DYNC1H1: variants seen among roughly 807,000 people sequenced by gnomAD.
DYNC1H1 encodes cytoplasmic dynein 1 heavy chain 1.
Under a neutral mutation model 527.1 loss-of-function variants are expected in DYNC1H1, and 51 were observed. The observed-to-expected ratio is 0.10, with a 90% confidence interval of 0.08 to 0.12. DYNC1H1 has a LOEUF of 0.12. Ranked by LOEUF, DYNC1H1 falls within the 10% of genes least tolerant of loss-of-function variation. The probability of loss-of-function intolerance (pLI) is 1.00; values close to 1 mark genes in which losing one functional copy is unlikely to be tolerated. For missense variants in DYNC1H1, 2,771 were observed against 5,971.8 expected, an observed-to-expected ratio of 0.46 and a Z score of 17.66; for synonymous variants, 2,189 against 2,278.8, an observed-to-expected ratio of 0.96 and a Z score of 1.12.
chr14:102,013,314 GACAA>G (rs1376897632), intron 34 of DYNC1H1, among the ~76,000 whole-genome samples: 5 of 151,364 alleles, frequency 3.3e-5, no homozygotes, highest in Non-Finnish European at 7.4e-5. Flanking sequence ...GATGCAATTG[GACAA>G]ACAAAATGAA....
rs201665825 is a variant in DYNC1H1, at chr14:102,050,120, C to A, written c.13734C>A (p.Ser4578=). Residue 4578 remains serine (S), a synonymous_variant, in exon 77 of 78, where the codon TCC becomes TCA. Coordinates refer to ENST00000360184, the MANE Select transcript of DYNC1H1 (RefSeq NM_001376.5). The part of the protein sequence containing the change: ...ATCNNNKLSL[S]NAISTALPLT... ...GCAACAACAACAAGCTGTCACTGTC[C>A]AATGCCATCTCAACCGCCCTTCCCC... 2 of 1,589,084 alleles carry A rather than the reference C, an allele frequency of 1.3e-6. No homozygotes were observed. The highest frequency in any genetic ancestry group is 1.7e-6 in the Non-Finnish European group (2 of 1,173,558).
intron 2 of DYNC1H1, among the ~76,000 whole-genome samples, chr14:101,977,925 C>T (rs778834640): frequency 3.3e-5 from 5 of 149,316 alleles, no homozygotes; most frequent in East Asian, 3.8e-4. Flanking sequence ...CTCACTCTGC[C>T]GTCCAAGCTG....
At position 102,016,618 on chromosome 14, in the gene DYNC1H1, T is replaced by C. The variant is rs1034139439; in HGVS notation, c.7614+129T>C. On this transcript the variant is annotated intron_variant, in intron 37 of 77. Coordinates refer to ENST00000360184, the MANE Select transcript of DYNC1H1 (RefSeq NM_001376.5). The surrounding 1 kb of genome is among the most constrained non-coding windows in gnomAD (Gnocchi z 7.3). ...TCCATTTCATAGAAGGACTTTATCC[T>C]TTTAGTTCCATGTGTTAGCAAAGAG... is the stretch of plus-strand genomic sequence containing the variant. 2 of 1,570,700 alleles carry C rather than the reference T, an allele frequency of 1.3e-6. No individual in the cohort carries two copies. The highest frequency in any genetic ancestry group is 3.5e-5 in the Admixed American group (2 of 57,510).
chr14:102,039,823 A>AT lies in DYNC1H1; in HGVS notation c.11690+95dup, dbSNP rs2048623610. The AT allele has an allele frequency of 7.2e-7, 1 of 1,388,602 alleles. No homozygotes were observed. Among genetic ancestry groups the AT allele is most frequent in the Middle Eastern group, 2.5e-4 (1 of 4,018 alleles). 86.0% of individuals were successfully genotyped at this position (1,388,602 alleles called of 1,614,324 possible). Reference sequence around the variant, plus strand: ...GATACATGCTTTTATTATTTCTTTTATTTTCTCTTTTATTTTCTTTATTTT... The same window carrying AT: ...GATACATGCTTTTATTATTTCTTTTATTTTTCTCTTTTATTTTCTTTATTTT... On this transcript the variant is annotated intron_variant, in intron 62 of 77. Transcript: ENST00000360184. This position sits in a 1 kb window ranked among gnomAD's most constrained non-coding sequence, Gnocchi z 7.0.
chr14:101,984,448 A>ATTTTTTTTTT (rs1224932045), intron 7 of DYNC1H1, among the ~76,000 whole-genome samples: 2 of 89,132 alleles, frequency 2.2e-5, no homozygotes, highest in African/African-American at 5.6e-5. Context: ...TATATATATT[A>ATTTTTTTTTT]TATTTTTTTT....
chr14:102,039,744 C>T lies in DYNC1H1; in HGVS notation c.11690+12C>T, dbSNP rs1405537007. On this transcript the variant is annotated intron_variant, in intron 62 of 77. Transcript: ENST00000360184. This position sits in a 1 kb window ranked among gnomAD's most constrained non-coding sequence, Gnocchi z 7.0. ...AAGGGCACCGTGGGGTAAGAGCACT[C>T]ACGCCCACAGGAGGATGCCATATTG... 4 of 1,614,106 alleles carry T rather than the reference C, an allele frequency of 2.5e-6. No individual in the cohort carries two copies. The highest frequency in any genetic ancestry group is 3.4e-6 in the Non-Finnish European group (4 of 1,179,994).
chr14:101,973,468 T>G (rs2047763105), intron 1 of DYNC1H1, among the ~76,000 whole-genome samples: 1 of 152,032 alleles, frequency 6.6e-6, no homozygotes, highest in Admixed American at 6.6e-5. Context: ...CCAGATAGAC[T>G]AATATTTTAT....
rs200901713 is a variant in DYNC1H1 at position 102,049,590 on chromosome 14, C to T, written c.13515+8C>T. On this transcript the variant is annotated splice_region_variant and intron_variant, in intron 75 of 77. Coordinates refer to ENST00000360184, the MANE Select transcript of DYNC1H1 (RefSeq NM_001376.5). This position sits in a 1 kb window ranked among gnomAD's most constrained non-coding sequence, Gnocchi z 5.5. ...GGCGCCAAGGAGCTAAAGGTGAAGG[C>T]GCTCCTGACGAGTCTCGGGTGGTCA... 120 of 1,613,708 alleles carry T rather than the reference C, an allele frequency of 7.4e-5. No individual in the cohort carries two copies. Among genetic ancestry groups the T allele is most frequent in the Middle Eastern group, 3.3e-4 (2 of 6,084 alleles).
In DYNC1H1 at chr14:102,036,455, GT is replaced by G; in HGVS notation, c.10755-31del. The G allele has an allele frequency of 6.2e-7, 1 of 1,612,230 alleles. No individual in the cohort carries two copies. The highest frequency in any genetic ancestry group is 8.5e-7 in the Non-Finnish European group (1 of 1,179,452). ...TGATCCTGTGCTTTCCCCATTCGGT[GT>G]TTCAACCTTCTCTTCTGTGGCCTCA... On this transcript the variant is annotated intron_variant, in intron 56 of 77. Transcript: ENST00000360184. The surrounding 1 kb of genome is among the most constrained non-coding windows in gnomAD (Gnocchi z 5.6).
Position 102,029,303 on chromosome 14 carries a change from T to C in DYNC1H1, c.9469-236T>C. ...TTTTCACATAAGTACACCTCTAAAG[T>C]TGGTGTAATCACCATCCTCAGTTTA... On this transcript the variant is annotated intron_variant, in intron 48 of 77. Transcript: ENST00000360184. This position sits in a 1 kb window ranked among gnomAD's most constrained non-coding sequence, Gnocchi z 5.3. 1 of 571,304 alleles carries C rather than the reference T, an allele frequency of 1.8e-6. No individual in the cohort carries two copies. The highest frequency in any genetic ancestry group is 3.0e-5 in the Admixed American group (1 of 32,940). 35.4% of individuals were successfully genotyped at this position (571,304 alleles called of 1,614,324 possible). A position where few individuals can be genotyped will look rare whatever the true frequency, so the allele number is the denominator to read the frequency against.
At position 102,002,971 on chromosome 14, in the gene DYNC1H1, A is replaced by G; in HGVS notation, c.4883+6A>G. On this transcript the variant is annotated splice_donor_region_variant and intron_variant, in intron 23 of 77. Coordinates refer to ENST00000360184, the MANE Select transcript of DYNC1H1 (RefSeq NM_001376.5). This position sits in a 1 kb window ranked among gnomAD's most constrained non-coding sequence, Gnocchi z 4.4. Reference sequence around the variant, plus strand: ...GAGCGGTCATCTTTCCCCAGGTAAGATCCTTGCTTTGACTTGGCCTGGAGT... The same window carrying G: ...GAGCGGTCATCTTTCCCCAGGTAAGGTCCTTGCTTTGACTTGGCCTGGAGT... 1 of 1,613,896 alleles carries G rather than the reference A, an allele frequency of 6.2e-7. No individual in the cohort carries two copies. The highest frequency in any genetic ancestry group is 1.7e-5 in the Admixed American group (1 of 60,020).
At position 102,005,150 on chromosome 14, in the gene DYNC1H1, A is replaced by G. The variant is rs773630385; in HGVS notation, c.5347A>G (p.Ser1783Gly). The change falls in exon 26 of 78, where the codon AGC (serine) becomes GGC (glycine). Residue 1783 changes from serine to glycine, a missense_variant. By Grantham distance (56) the Ser-to-Gly change is moderately conservative. Transcript: ENST00000360184. This position sits in a 1 kb window ranked among gnomAD's most constrained non-coding sequence, Gnocchi z 4.0. ...GDAAPLHSVL[S>G]NVEVTLNVLA... ...TGCCGCGCCCTTGCACTCTGTGCTG[A>G]GCAATGTGGAGGTCACCCTCAATGT... 14 of 1,614,188 alleles carry G rather than the reference A, an allele frequency of 8.7e-6. No individual in the cohort carries two copies. The highest frequency in any genetic ancestry group is 1.2e-5 in the Non-Finnish European group (14 of 1,180,038).
At chr14:101,984,401 ATGTGTGTGTGTG>A (rs34162363) in intron 7 of DYNC1H1, among the ~76,000 whole-genome samples, 5 of 102,446 alleles carry the variant, frequency 4.9e-5, no homozygotes, top group Non-Finnish European at 8.6e-5. Context: ...ATGCGTATAT[ATGTGTGTGTGTG>A]TGTGTGTGTG....
rs1167711761 is a variant in DYNC1H1, at chr14:102,053,063, T to C, written c.*2500T>C. ...CTGCGAGGCGGAATCAAGTCTAACA[T>C]GCTCGCATGCGCTGACTCTTCCTCC... On this transcript the variant is annotated 3_prime_UTR_variant, in exon 78 of 78. Transcript: ENST00000360184. 1.3e-5 allele frequency: 2 copies of C among 152,112 alleles called. No homozygotes were observed. The highest frequency in any genetic ancestry group is 2.9e-5 in the Non-Finnish European group (2 of 68,020). The allele number at this position is 152,112 out of a possible 1,614,324, so 9.4% of individuals were successfully genotyped here. A position where few individuals can be genotyped will look rare whatever the true frequency, so the allele number is the denominator to read the frequency against.
rs757007288 is a variant in DYNC1H1 at position 102,050,486 on chromosome 14, G to A, written c.13864G>A (p.Val4622Met). The change falls in exon 78 of 78, where the codon GTG becomes ATG. Residue 4622 changes from valine (V) to methionine (M), a missense_variant. Coordinates refer to ENST00000360184, the MANE Select transcript of DYNC1H1 (RefSeq NM_001376.5). ...CACCCGTGCAGACCTCATCTTCACC[G>A]TGGACTTCGAAATTGCTACAAAGGA... ...NFTRADLIFTVDFEIATKEDP... is the reference protein window; with the variant it reads ...NFTRADLIFTMDFEIATKEDP... 10 of 1,614,200 alleles carry A rather than the reference G, an allele frequency of 6.2e-6. No individual in the cohort carries two copies. Among genetic ancestry groups the A allele is most frequent in the Admixed American group, 1.7e-5 (1 of 60,018 alleles).
chr14:102,023,303 C>A (rs1040970340), intron 43 of DYNC1H1: 1 of 338,192 alleles, frequency 3.0e-6, no homozygotes, highest in Non-Finnish European at 5.8e-6. Flanking sequence ...GTAATCCCAG[C>A]ACTTTGGGAG....
intron 7 of DYNC1H1, among the ~76,000 whole-genome samples, chr14:101,984,259 G>A (rs1465924478): frequency 6.6e-6 from 1 of 151,556 alleles, no homozygotes; most frequent in African/African-American, 2.4e-5. Context: ...CAAAGTGCTG[G>A]GATTATAGGC....
chr14:101,994,916 TA>T (rs2048041126), intron 13 of DYNC1H1, 67 bp downstream of exon 13: 1 of 1,613,658 alleles, frequency 6.2e-7, no homozygotes, highest in African/African-American at 1.3e-5. Context: ...GTTAGACTGA[TA>T]TTCATTTGAA....
chr14:102,032,362 G>C lies in DYNC1H1; in HGVS notation c.9974G>C (p.Cys3325Ser). ...AAVKLALESI[C>S]LLLGESTTDW... ...GTGAAGCTGGCGCTGGAGTCCATCT[G>C]CCTGCTGCTGGGGGAAAGCACCACA... The change falls in exon 52 of 78, where the codon TGC (cysteine) becomes TCC (serine). Residue 3325 changes from cysteine to serine, a missense_variant. Transcript: ENST00000360184. The C allele has an allele frequency of 6.2e-7, 1 of 1,614,224 alleles. No individual in the cohort carries two copies. Among genetic ancestry groups the C allele is most frequent in the Non-Finnish European group, 8.5e-7 (1 of 1,180,038 alleles).
Sources: allele counts gnomAD v4.1 joint callset (sites outside exome capture counted in the v4.1 genomes callset), GRCh38; gene constraint gnomAD v4.1.1; non-coding constraint Gnocchi (gnomAD v3.1); transcripts MANE v1.5; gene names NCBI Gene and HGNC (gene_info 2026-07-23, HGNC 2026-07-21).